Variants in RASAL2 observed in about 807,000 individuals in gnomAD.
RASAL2 encodes the protein RAS protein activator like 2, also known as ras GTPase-activating protein nGAP.
Under a neutral mutation model 128.9 loss-of-function variants are expected in RASAL2, and 58 were observed. The observed-to-expected ratio is 0.45, with a 90% CI of 0.36 to 0.56. RASAL2 has a LOEUF of 0.56. Ranked by LOEUF, RASAL2 falls within the 20% of genes least tolerant of loss-of-function variation. RASAL2 has a pLI of 0.00. For missense variants in RASAL2, 1,360 were observed against 1,601.6 expected, an observed-to-expected ratio of 0.85 and a Z score of 2.57; for synonymous variants, 561 against 580.8, an observed-to-expected ratio of 0.97 and a Z score of 0.49.
At chr1:178,343,361 A>C (rs1311896774) in intron 3 of RASAL2, among the ~76,000 whole-genome samples, 1 of 152,178 alleles carries the variant, frequency 6.6e-6, no homozygotes, top group African/African-American at 2.4e-5. Flanking sequence ...CCATTATTTA[A>C]GCACTGTTTT....
intron 3 of RASAL2, among the ~76,000 whole-genome samples, chr1:178,350,335 C>T (rs1670395894): frequency 6.6e-6 from 1 of 152,206 alleles, no homozygotes; most frequent in Non-Finnish European, 1.5e-5. Context: ...ATCCTCTCGC[C>T]TCAGCCCCCC....
chr1:178,226,040 T>C (rs1663773922), intron 1 of RASAL2, among the ~76,000 whole-genome samples: 1 of 152,176 alleles, frequency 6.6e-6, no homozygotes, highest in Non-Finnish European at 1.5e-5. Flanking sequence ...CTTGACTGAA[T>C]TACAGAGGAA....
intron 5 of RASAL2, among the ~76,000 whole-genome samples, chr1:178,424,091 T>G (rs1204520658): frequency 6.6e-6 from 1 of 152,304 alleles, no homozygotes; most frequent in East Asian, 1.9e-4. Flanking sequence ...TGTTAAATTC[T>G]TCTTTATGAT....
intron 3 of RASAL2, among the ~76,000 whole-genome samples, chr1:178,307,111 T>G (rs892445322): frequency 1.3e-5 from 2 of 152,018 alleles, no homozygotes; most frequent in African/African-American, 4.8e-5. Context: ...CATTATTTCA[T>G]TTTTTAAAAA....
At chr1:178,216,951 T>G (rs1663440297) in intron 1 of RASAL2, among the ~76,000 whole-genome samples, 1 of 152,044 alleles carries the variant, frequency 6.6e-6, no homozygotes, top group Admixed American at 6.6e-5. Context: ...CCCTTAATTT[T>G]TTTTAAGTAG....
At chr1:178,192,862 G>A (rs937315405) in intron 1 of RASAL2, among the ~76,000 whole-genome samples, 1 of 152,106 alleles carries the variant, frequency 6.6e-6, no homozygotes, top group African/African-American at 2.4e-5. Context: ...GAAGTCCTAG[G>A]TTGTTGGCAC....
Position 178,455,356 on chromosome 1 carries a change from T to C in RASAL2, c.2211+708T>C, listed in dbSNP as rs377295068. On this transcript the variant is annotated intron_variant, in intron 12 of 17. Transcript: ENST00000367649. ...ATTATTTATTGATGTTTTTGTTTGC[T>C]ACAGGCACTTTATAAATATGTGTGG... Among the ~76,000 whole-genome samples the C allele has an allele frequency of 2.0e-5, 3 of 152,352 alleles. No homozygotes were observed. In the East Asian group the frequency reaches 5.8e-4, roughly 29 times the overall value.
intron 4 of RASAL2, among the ~76,000 whole-genome samples, chr1:178,408,835 G>T (rs935685827): frequency 1.3e-5 from 2 of 152,042 alleles, no homozygotes; most frequent in Non-Finnish European, 2.9e-5. Flanking sequence ...GAAGGGTTCC[G>T]GTGTGAGGCT....
At chr1:178,177,422 G>A (rs1372125877) in intron 1 of RASAL2, among the ~76,000 whole-genome samples, 2 of 152,088 alleles carry the variant, frequency 1.3e-5, no homozygotes, top group African/African-American at 2.4e-5. Flanking sequence ...TGGTAAGCAG[G>A]GATTGACAAG....
intron 3 of RASAL2, among the ~76,000 whole-genome samples, chr1:178,333,516 T>C (rs1379512797): frequency 6.0e-5 from 9 of 149,252 alleles, no homozygotes; most frequent in African/African-American, 2.3e-4. Context: ...TATATCCTAT[T>C]GCTCAAGGTC....
intron 5 of RASAL2, among the ~76,000 whole-genome samples, chr1:178,429,648 T>G (rs888259900): frequency 6.6e-6 from 1 of 152,298 alleles, no homozygotes; most frequent in Non-Finnish European, 1.5e-5. Flanking sequence ...TCTATAAATC[T>G]GTAATCTTTA....
intron 3 of RASAL2, among the ~76,000 whole-genome samples, chr1:178,300,342 T>C (rs977602932): frequency 1.3e-5 from 2 of 152,190 alleles, no homozygotes; most frequent in African/African-American, 4.8e-5. Context: ...ACTAGTAAGG[T>C]TGCTGTTTAG....
chr1:178,380,398 T>C (rs1672218510), intron 3 of RASAL2, among the ~76,000 whole-genome samples: 1 of 152,170 alleles, frequency 6.6e-6, no homozygotes. Context: ...ACTCAACCAG[T>C]TGGTTGAATT....
intron 1 of RASAL2, among the ~76,000 whole-genome samples, chr1:178,155,644 C>G (rs1571556562): frequency 7.2e-6 from 1 of 139,046 alleles, no homozygotes; most frequent in African/African-American, 2.6e-5. Context: ...TCTTGCCAGT[C>G]TTTTTTTTTT....
chr1:178,255,440 A>G (rs1665293289), intron 1 of RASAL2, among the ~76,000 whole-genome samples: 1 of 152,168 alleles, frequency 6.6e-6, no homozygotes, highest in Non-Finnish European at 1.5e-5. Context: ...ATTACGCACG[A>G]AAGACATGGG....
intron 3 of RASAL2, among the ~76,000 whole-genome samples, chr1:178,350,099 C>G (rs1314833836): frequency 6.6e-6 from 1 of 152,228 alleles, no homozygotes; most frequent in African/African-American, 2.4e-5. Flanking sequence ...TTTCATATCA[C>G]TTGTTTTACT....
At chr1:178,220,000 C>T (rs975328620) in intron 1 of RASAL2, among the ~76,000 whole-genome samples, 12 of 152,046 alleles carry the variant, frequency 7.9e-5, no homozygotes, top group East Asian at 3.9e-4. Flanking sequence ...TGAGTTCACA[C>T]GAGATATTGT....
intron 2 of RASAL2, among the ~76,000 whole-genome samples, chr1:178,284,974 C>T (rs1002080840): frequency 6.6e-6 from 1 of 151,830 alleles, no homozygotes; most frequent in African/African-American, 2.4e-5. Flanking sequence ...TCTTCTCTTG[C>T]TCCTCCTTCC....
chr1:178,270,426 AT>A (rs1166370531), intron 1 of RASAL2, among the ~76,000 whole-genome samples: 12 of 149,410 alleles, frequency 8.0e-5, no homozygotes, highest in Non-Finnish European at 1.8e-4. Flanking sequence ...ATATTACTGC[AT>A]TTTTTTCATT....
Sources: gnomAD v4.1 joint callset for allele counts (sites outside exome capture counted in the v4.1 genomes callset) on GRCh38, gnomAD v4.1.1 for gene constraint, MANE v1.5 for transcripts, NCBI Gene and HGNC (gene_info 2026-07-23, HGNC 2026-07-21) for gene names.